NRXN1: variants seen among roughly 807,000 people sequenced by gnomAD.
The protein encoded by NRXN1 is neurexin 1, also known as neurexin-1.
Under a neutral mutation model 150.9 loss-of-function variants are expected in NRXN1, and 39 were observed. The observed-to-expected ratio is 0.26, with a 90% CI of 0.20 to 0.34. The LOEUF (loss-of-function observed/expected upper bound fraction) is 0.34. Among genes scored for constraint, NRXN1 ranks in the 10% least tolerant of loss-of-function variants. The pLI, the probability that NRXN1 is intolerant of heterozygous loss-of-function variation, is 1.00. For synonymous variants in NRXN1, 924 were observed against 757.0 expected, an observed-to-expected ratio of 1.22 and a Z score of -3.62; for missense variants, 1,815 against 1,949.9, an observed-to-expected ratio of 0.93 and a Z score of 1.30.
intron 19 of NRXN1, among the ~76,000 whole-genome samples, chr2:50,087,747 GA>G (rs1410188712): frequency 2.0e-5 from 3 of 152,076 alleles, no homozygotes; most frequent in Non-Finnish European, 2.9e-5. Flanking sequence ...TGAGTTACAG[GA>G]AGATTTCATA....
chr2:50,723,839 G>A (rs1159694052), intron 5 of NRXN1, among the ~76,000 whole-genome samples: 1 of 152,112 alleles, frequency 6.6e-6, no homozygotes, highest in Non-Finnish European at 1.5e-5. Flanking sequence ...CTGTGTTTTC[G>A]GGTTTGTTTG....
rs1332315241 is a variant in NRXN1, at chr2:50,496,095, C to T, written c.2880G>A (p.Gly960=). 6.3e-7 allele frequency: 1 copy of T among 1,590,328 alleles called. No homozygotes were observed. The highest frequency in any genetic ancestry group is 8.6e-7 in the Non-Finnish European group (1 of 1,167,704). The change falls in exon 15 of 23, where the codon GGG becomes GGA. Residue 960 remains glycine, a splice_region_variant and synonymous_variant. Coordinates refer to ENST00000401669, the MANE Select transcript of NRXN1 (RefSeq NM_001330078.2). ...CCAAATCAAACACGTAATGTAAGTA[C>T]CTGGGAAAAAAATGAAAGAGGGGAA... ...NDFIVVELVK[G]YLHYVFDLGN...
intron 18 of NRXN1, among the ~76,000 whole-genome samples, chr2:50,111,894 T>C (rs1162491484): frequency 1.3e-5 from 2 of 152,182 alleles, no homozygotes; most frequent in East Asian, 1.9e-4. Flanking sequence ...TAATGGACCT[T>C]AGCACAATAC....
intron 21 of NRXN1, among the ~76,000 whole-genome samples, chr2:49,954,809 A>G (rs1674643540): frequency 6.6e-6 from 1 of 152,164 alleles, no homozygotes; most frequent in African/African-American, 2.4e-5. Flanking sequence ...CTTGAAATCT[A>G]AAAGTATGAA....
intron 21 of NRXN1, among the ~76,000 whole-genome samples, chr2:50,050,060 A>C (rs1692450272): frequency 6.6e-6 from 1 of 152,032 alleles, no homozygotes; most frequent in Admixed American, 6.6e-5. Flanking sequence ...CAATTCGATC[A>C]GAAGTTTTGG....
At chr2:50,497,312 A>G in intron 14 of NRXN1, 21 bp downstream of exon 14, 3 of 1,439,772 alleles carry the variant, frequency 2.1e-6, no homozygotes, top group Non-Finnish European at 1.8e-6. Context: ...TTTATTTGCT[A>G]TTGAACAGGC....
intron 21 of NRXN1, among the ~76,000 whole-genome samples, chr2:49,957,364 C>T (rs1675156222): frequency 6.6e-6 from 1 of 152,094 alleles, no homozygotes; most frequent in Non-Finnish European, 1.5e-5. Flanking sequence ...ATATTTATTA[C>T]ATAGATACAA....
intron 2 of NRXN1, among the ~76,000 whole-genome samples, chr2:50,950,304 GAA>G (rs1691104155): frequency 6.6e-6 from 1 of 152,032 alleles, no homozygotes; most frequent in Admixed American, 6.6e-5. Context: ...CAATAAAAAA[GAA>G]AAGATAAAAA....
At chr2:50,886,573 T>C (rs1680282963) in intron 5 of NRXN1, among the ~76,000 whole-genome samples, 1 of 151,474 alleles carries the variant, frequency 6.6e-6, no homozygotes, top group African/African-American at 2.4e-5. Flanking sequence ...AGCATGACTT[T>C]GAAGGCCAAA....
intron 5 of NRXN1, among the ~76,000 whole-genome samples, chr2:50,907,584 A>G (rs1303606009): frequency 6.6e-6 from 1 of 152,136 alleles, no homozygotes; most frequent in East Asian, 1.9e-4. Context: ...CCTGGACCCA[A>G]TGTTGTCACA....
intron 2 of NRXN1, among the ~76,000 whole-genome samples, chr2:50,974,977 T>C (rs904044821): frequency 6.6e-6 from 1 of 152,092 alleles, no homozygotes; most frequent in African/African-American, 2.4e-5. Flanking sequence ...ATTAATTTTA[T>C]GATCCTCTAA....
intron 22 of NRXN1, among the ~76,000 whole-genome samples, chr2:49,931,166 A>T (rs1451096899): frequency 6.6e-6 from 1 of 152,162 alleles, no homozygotes; most frequent in Non-Finnish European, 1.5e-5. Context: ...AAAGGTGCTA[A>T]GCAAGGGGGT....
intron 5 of NRXN1, among the ~76,000 whole-genome samples, chr2:50,911,047 T>A (rs1414876667): frequency 6.6e-6 from 1 of 152,020 alleles, no homozygotes; most frequent in Admixed American, 6.6e-5. Flanking sequence ...ATGTGGCACT[T>A]TCAAATACTA....
chr2:50,146,328 G>GTA (rs1708002901), intron 18 of NRXN1, among the ~76,000 whole-genome samples: 1 of 151,636 alleles, frequency 6.6e-6, no homozygotes, highest in Non-Finnish European at 1.5e-5. Flanking sequence ...CCATTACTGG[G>GTA]TATATACCCA....
At chr2:50,424,415 TA>T (rs2084315314) in intron 17 of NRXN1, among the ~76,000 whole-genome samples, 1 of 151,604 alleles carries the variant, frequency 6.6e-6, no homozygotes, top group Non-Finnish European at 1.5e-5. Flanking sequence ...AGAGAGACGG[TA>T]CCTGGACCTA....
intron 21 of NRXN1, among the ~76,000 whole-genome samples, chr2:50,033,043 T>TAA (rs1343278278): frequency 6.6e-6 from 1 of 151,636 alleles, no homozygotes. Flanking sequence ...CATATATATA[T>TAA]AATCTTATTA....
At chr2:50,634,238 A>G (rs1046817093) in intron 5 of NRXN1, among the ~76,000 whole-genome samples, 11 of 152,200 alleles carry the variant, frequency 7.2e-5, no homozygotes, top group Admixed American at 2.6e-4. Context: ...TATTGTGTGG[A>G]AAATAAACTC....
chr2:50,597,809 C>T (rs1384484868), intron 8 of NRXN1, among the ~76,000 whole-genome samples: 1 of 152,150 alleles, frequency 6.6e-6, no homozygotes, highest in Non-Finnish European at 1.5e-5. Context: ...TGATTTGAGT[C>T]TCCCCCTGTC....
chr2:49,970,950 T>C (rs1421058395), intron 21 of NRXN1, among the ~76,000 whole-genome samples: 1 of 152,062 alleles, frequency 6.6e-6, no homozygotes, highest in African/African-American at 2.4e-5. Flanking sequence ...TTGATCTAAG[T>C]ATGATTAAAT....
Sources: allele counts gnomAD v4.1 joint callset (sites outside exome capture counted in the v4.1 genomes callset), GRCh38; gene constraint gnomAD v4.1.1; transcripts MANE v1.5; gene names NCBI Gene and HGNC (gene_info 2026-07-23, HGNC 2026-07-21).